GHR: variants seen among roughly 807,000 people sequenced by gnomAD.
GHR encodes GH receptor.
GHR carries 35 observed loss-of-function variants against 67.1 expected under a neutral mutation model. The ratio of observed to expected loss-of-function variants is 0.52; its 90% CI spans 0.40 to 0.69. GHR has a LOEUF of 0.69. Among genes scored for constraint, GHR ranks in the 30% least tolerant of loss-of-function variants. The pLI is 0.00. For missense variants in GHR, 792 were observed against 764.6 expected (o/e 1.04, Z -0.42); for synonymous variants, 272 against 269.1 (o/e 1.01, Z -0.10).
At chr5:42,566,051 A>G in intron 2 of GHR, 107 bp downstream of exon 2, 1 of 1,306,756 alleles carries the variant, frequency 7.7e-7, no homozygotes. Flanking sequence ...TGCAAGTTTT[A>G]CATAGCAGCA....
chr5:42,469,251 A>G (rs1180952258), intron 1 of GHR, among the ~76,000 whole-genome samples: 4 of 152,334 alleles, frequency 2.6e-5, no homozygotes, highest in African/African-American at 9.6e-5. Flanking sequence ...CCTAATGGGA[A>G]GTGAGAAAAG....
intron 1 of GHR, among the ~76,000 whole-genome samples, chr5:42,535,424 C>T (rs1433581038): frequency 6.6e-6 from 1 of 152,076 alleles, no homozygotes; most frequent in East Asian, 1.9e-4. Context: ...GTCCTTTCCC[C>T]ACTTTATGTT....
chr5:42,471,912 A>G (rs1380313524), intron 1 of GHR, among the ~76,000 whole-genome samples: 1 of 152,202 alleles, frequency 6.6e-6, no homozygotes, highest in African/African-American at 2.4e-5. Flanking sequence ...ATGAAAAACA[A>G]TCAACATTAT....
intron 3 of GHR, among the ~76,000 whole-genome samples, chr5:42,682,888 T>C (rs1232246729): frequency 6.6e-6 from 1 of 152,212 alleles, no homozygotes; most frequent in Non-Finnish European, 1.5e-5. Flanking sequence ...AAGACTGCAA[T>C]CAAAGTGTCA....
intron 1 of GHR, among the ~76,000 whole-genome samples, chr5:42,425,614 T>G (rs550055542): frequency 6.6e-6 from 1 of 152,308 alleles, no homozygotes; most frequent in East Asian, 1.9e-4. Flanking sequence ...GTTTCCAGAT[T>G]AGATTTCAAG....
At chr5:42,545,848 T>C (rs1413170358) in intron 1 of GHR, among the ~76,000 whole-genome samples, 1 of 152,208 alleles carries the variant, frequency 6.6e-6, no homozygotes, top group Non-Finnish European at 1.5e-5. Flanking sequence ...ACTTGGGGTT[T>C]GGGAATTTGA....
At chr5:42,665,251 T>TGG (rs771122946) in intron 3 of GHR, among the ~76,000 whole-genome samples, 137 of 152,306 alleles carry the variant, frequency 9.0e-4, no homozygotes, top group South Asian at 2.1e-3. Flanking sequence ...TTACTGGGTA[T>TGG]ATACCCAAAT....
chr5:42,716,074 C>T (rs543144505), intron 8 of GHR, among the ~76,000 whole-genome samples: 1 of 152,178 alleles, frequency 6.6e-6, no homozygotes, highest in Admixed American at 6.6e-5. Context: ...AGTCAAACAT[C>T]AGCCATTTGG....
At chr5:42,690,148 C>A (rs1757357138) in intron 4 of GHR, among the ~76,000 whole-genome samples, 1 of 152,198 alleles carries the variant, frequency 6.6e-6, no homozygotes, top group Non-Finnish European at 1.5e-5. Context: ...ACCCTTTATC[C>A]TTGGCTCAAG....
At chr5:42,648,827 G>A (rs771364487) in intron 3 of GHR, among the ~76,000 whole-genome samples, 2 of 152,084 alleles carry the variant, frequency 1.3e-5, no homozygotes, top group Admixed American at 1.3e-4. Context: ...ACCGCCTGCA[G>A]ATTTAGGTTT....
At chr5:42,480,789 G>C (rs1745592585) in intron 1 of GHR, among the ~76,000 whole-genome samples, 1 of 152,158 alleles carries the variant, frequency 6.6e-6, no homozygotes, top group Non-Finnish European at 1.5e-5. Flanking sequence ...GTCTCTGCAT[G>C]TGAGATGGGT....
chr5:42,638,041 G>A (rs1473114984), intron 3 of GHR, among the ~76,000 whole-genome samples: 2 of 152,152 alleles, frequency 1.3e-5, no homozygotes, highest in African/African-American at 2.4e-5. Flanking sequence ...CCAGGTTCAA[G>A]CAATTTGCCT....
At chr5:42,459,584 C>T (rs189168255) in intron 1 of GHR, among the ~76,000 whole-genome samples, 1 of 152,118 alleles carries the variant, frequency 6.6e-6, no homozygotes, top group East Asian at 1.9e-4. Flanking sequence ...ACCTGAGTGG[C>T]AAAATAATCT....
intron 3 of GHR, among the ~76,000 whole-genome samples, chr5:42,675,308 G>A (rs2112917384): frequency 6.6e-6 from 1 of 152,266 alleles, no homozygotes; most frequent in East Asian, 1.9e-4. Context: ...TGCTGTATCT[G>A]CCTTGGCATA....
chr5:42,602,760 T>C (rs1035089659), intron 2 of GHR, among the ~76,000 whole-genome samples: 2 of 152,164 alleles, frequency 1.3e-5, no homozygotes, highest in African/African-American at 4.8e-5. Context: ...CTTCCTTTGC[T>C]TATAAGAACT....
intron 2 of GHR, among the ~76,000 whole-genome samples, chr5:42,572,712 A>C (rs1038956766): frequency 6.6e-6 from 1 of 151,776 alleles, no homozygotes; most frequent in Non-Finnish European, 1.5e-5. Flanking sequence ...ATAACAATTT[A>C]ACTTAAGCCT....
intron 1 of GHR, among the ~76,000 whole-genome samples, chr5:42,438,091 CAATT>C (rs1404918246): frequency 1.3e-5 from 2 of 152,146 alleles, no homozygotes; most frequent in African/African-American, 4.8e-5. Flanking sequence ...TGTGGACACT[CAATT>C]AGTTTGCTTA....
intron 1 of GHR, among the ~76,000 whole-genome samples, chr5:42,512,545 G>A (rs1440589805): frequency 6.6e-6 from 1 of 152,140 alleles, no homozygotes; most frequent in African/African-American, 2.4e-5. Flanking sequence ...CTATAAGGCT[G>A]TGTGACCAGA....
intron 3 of GHR, among the ~76,000 whole-genome samples, chr5:42,642,257 C>T (rs543702033): frequency 1.8e-4 from 28 of 152,194 alleles, no homozygotes; most frequent in African/African-American, 6.0e-4. Context: ...TAGTAAGATC[C>T]GTACAATGAA....
Sources: gnomAD v4.1 joint callset for allele counts (sites outside exome capture counted in the v4.1 genomes callset) on GRCh38, gnomAD v4.1.1 for gene constraint, MANE v1.5 for transcripts, NCBI Gene and HGNC (gene_info 2026-07-23, HGNC 2026-07-21) for gene names.